Variants in ROBO2 observed in about 807,000 individuals in gnomAD.
ROBO2 encodes the protein roundabout guidance receptor 2, also known as roundabout homolog 2.
A neutral mutation model predicts 160.8 loss-of-function variants in ROBO2; 53 were observed. The observed-to-expected ratio is 0.33, with a 90% CI of 0.26 to 0.41. The LOEUF (loss-of-function observed/expected upper bound fraction) is 0.41, where lower values mean the gene tolerates loss of function less well. ROBO2 is among the 10% of genes least tolerant of loss of function. The pLI, the probability that ROBO2 is intolerant of heterozygous loss-of-function variation, is 1.00. For synonymous variants in ROBO2, 664 were observed against 611.7 expected, an observed-to-expected ratio of 1.09 and a Z score of -1.26; for missense variants, 1,577 against 1,722.4, an observed-to-expected ratio of 0.92 and a Z score of 1.49.
chr3:77,027,096 A>G (rs774967146), intron 2 of ROBO2, among the ~76,000 whole-genome samples: 4 of 152,224 alleles, frequency 2.6e-5, no homozygotes, highest in Non-Finnish European at 5.9e-5. Context: ...TTGAGCATCA[A>G]TTCTAATTTA....
chr3:75,986,446 C>T (rs1468955397), intron 2 of ROBO2, among the ~76,000 whole-genome samples: 1 of 151,218 alleles, frequency 6.6e-6, no homozygotes, highest in Non-Finnish European at 1.5e-5. Context: ...TTCTGGATCT[C>T]AGTCCCTTGT....
chr3:76,697,022 T>C (rs930683859), intron 2 of ROBO2, among the ~76,000 whole-genome samples: 2 of 152,154 alleles, frequency 1.3e-5, no homozygotes, highest in Non-Finnish European at 2.9e-5. Flanking sequence ...ATTTGAGATA[T>C]AGCTGGAATA....
At chr3:76,601,310 G>A (rs1235440437) in intron 2 of ROBO2, among the ~76,000 whole-genome samples, 1 of 152,202 alleles carries the variant, frequency 6.6e-6, no homozygotes, top group African/African-American at 2.4e-5. Context: ...GGTCCACTAA[G>A]TGGTGCCCCA....
intron 2 of ROBO2, among the ~76,000 whole-genome samples, chr3:76,724,990 G>A (rs923779205): frequency 6.6e-6 from 1 of 152,106 alleles, no homozygotes; most frequent in Non-Finnish European, 1.5e-5. Context: ...AAAGTGGCAA[G>A]CAGCATGTTT....
At chr3:75,983,115 A>G (rs1234382013) in intron 2 of ROBO2, among the ~76,000 whole-genome samples, 1 of 151,438 alleles carries the variant, frequency 6.6e-6, no homozygotes, top group Non-Finnish European at 1.5e-5. Context: ...TTAATTTAAC[A>G]AGAAAGCTTA....
At chr3:75,945,034 CTTTA>C (rs916690087) in intron 2 of ROBO2, among the ~76,000 whole-genome samples, 13 of 152,048 alleles carry the variant, frequency 8.5e-5, no homozygotes, top group African/African-American at 2.2e-4. Context: ...TGGTTTGTGT[CTTTA>C]TTTATTTATA....
intron 2 of ROBO2, among the ~76,000 whole-genome samples, chr3:77,148,518 TA>T (rs2150503119): frequency 6.6e-6 from 1 of 152,316 alleles, no homozygotes; most frequent in African/African-American, 2.4e-5. Context: ...AAACAATGTA[TA>T]AAAAGAACTA....
chr3:76,111,636 A>G (rs1414968657), intron 2 of ROBO2, among the ~76,000 whole-genome samples: 1 of 151,958 alleles, frequency 6.6e-6, no homozygotes, highest in South Asian at 2.1e-4. Flanking sequence ...ATCACACAGG[A>G]GGTTTGAGTC....
At chr3:76,327,666 G>T (rs768872519) in intron 2 of ROBO2, among the ~76,000 whole-genome samples, 3 of 136,096 alleles carry the variant, frequency 2.2e-5, no homozygotes, top group African/African-American at 8.4e-5. Context: ...AATATCATTG[G>T]CATCATTTCA....
At chr3:75,918,126 C>A (rs957032250) in intron 1 of ROBO2, among the ~76,000 whole-genome samples, 5 of 152,018 alleles carry the variant, frequency 3.3e-5, no homozygotes, top group Admixed American at 6.6e-5. Flanking sequence ...TGTCCTGAAT[C>A]GTATTGCCTA....
chr3:77,555,615 A>T (rs2093086847), intron 8 of ROBO2, among the ~76,000 whole-genome samples: 1 of 151,934 alleles, frequency 6.6e-6, no homozygotes, highest in African/African-American at 2.4e-5. Flanking sequence ...GAATTAGGAA[A>T]TTGTAATCAG....
intron 2 of ROBO2, among the ~76,000 whole-genome samples, chr3:77,420,927 C>A (rs1442170499): frequency 2.0e-5 from 3 of 152,126 alleles, no homozygotes; most frequent in African/African-American, 7.2e-5. Context: ...ATTATATGTT[C>A]CCAATCCGAC....
intron 2 of ROBO2, among the ~76,000 whole-genome samples, chr3:76,592,910 C>T (rs772163217): frequency 6.6e-6 from 1 of 152,024 alleles, no homozygotes; most frequent in African/African-American, 2.4e-5. Context: ...CTTACTAATT[C>T]CCTCAACAAA....
chr3:76,636,489 A>G lies in ROBO2; in HGVS notation c.110-461525A>G, dbSNP rs150718735. ...CATAGCTGAGGCAGAGTTTTTCAAG[A>G]AAGATGGTTTCCAGCATCACTCAGG... On this transcript the variant is annotated intron_variant, in intron 2 of 26. Coordinates refer to the ROBO2 transcript ENST00000487694. Among the ~76,000 whole-genome samples the G allele has an allele frequency of 5.3e-5, 8 of 152,252 alleles. No individual in the cohort carries two copies. In the East Asian group the frequency reaches 1.5e-3, roughly 29 times the overall value.
chr3:76,032,109 A>G (rs2066943368), intron 2 of ROBO2, among the ~76,000 whole-genome samples: 1 of 152,166 alleles, frequency 6.6e-6, no homozygotes, highest in Non-Finnish European at 1.5e-5. Flanking sequence ...CCAGGAATTT[A>G]TCCATTTCTT....
At chr3:77,025,818 T>C (rs1238584675) in intron 2 of ROBO2, among the ~76,000 whole-genome samples, 1 of 152,190 alleles carries the variant, frequency 6.6e-6, no homozygotes, top group African/African-American at 2.4e-5. Flanking sequence ...GTATTTTCCT[T>C]ATTGCTGCTT....
chr3:77,608,042 C>T (rs911640186), intron 21 of ROBO2, 88 bp downstream of exon 22: 1 of 1,320,660 alleles, frequency 7.6e-7, no homozygotes, highest in Non-Finnish European at 1.1e-6. Flanking sequence ...TGTTCTCTCA[C>T]TGTTTCCTTT....
At chr3:76,545,152 A>T (rs933080098) in intron 2 of ROBO2, among the ~76,000 whole-genome samples, 1 of 151,970 alleles carries the variant, frequency 6.6e-6, no homozygotes, top group Non-Finnish European at 1.5e-5. Context: ...TATGGCAGAG[A>T]GACCCAAGTT....
At chr3:77,111,454 G>A (rs2073566963) in intron 2 of ROBO2, among the ~76,000 whole-genome samples, 2 of 152,068 alleles carry the variant, frequency 1.3e-5, no homozygotes, top group African/African-American at 4.8e-5. Flanking sequence ...TCGTTCTTTG[G>A]AAAGCATTTG....
Sources: gnomAD v4.1 joint callset for allele counts (sites outside exome capture counted in the v4.1 genomes callset) on GRCh38, gnomAD v4.1.1 for gene constraint, MANE v1.5 for transcripts, NCBI Gene and HGNC (gene_info 2026-07-23, HGNC 2026-07-21) for gene names.